The following TRIP4 variants were observed in gnomAD, a reference collection of about 807,000 sequenced individuals.
TRIP4 encodes thyroid hormone receptor interactor 4.
TRIP4 carries 54 observed loss-of-function variants against 81.8 expected under a neutral mutation model. The observed-to-expected ratio is 0.66, with a 90% CI of 0.53 to 0.83. The LOEUF (loss-of-function observed/expected upper bound fraction) is 0.83. TRIP4 is among the 40% of genes least tolerant of loss of function. The pLI, the probability that TRIP4 is intolerant of heterozygous loss-of-function variation, is 0.00. For missense variants in TRIP4, 662 were observed against 683.6 expected (o/e 0.97, Z 0.35); for synonymous variants, 270 against 242.8 (o/e 1.11, Z -1.04).
At chr15:64,448,653 CG>C (rs1391857944) in intron 12 of TRIP4, among the ~76,000 whole-genome samples, 2 of 151,950 alleles carry the variant, frequency 1.3e-5, no homozygotes, top group African/African-American at 4.8e-5. Flanking sequence ...TTGCTAGAAA[CG>C]GGGTCTTGCC....
intron 4 of TRIP4, among the ~76,000 whole-genome samples, chr15:64,398,370 C>G (rs1900355687): frequency 7.1e-6 from 1 of 140,286 alleles, no homozygotes; most frequent in Non-Finnish European, 1.5e-5. Context: ...GGAGGATCAC[C>G]TGAGCCCAGG....
chr15:64,407,264 A>T (rs1340106678), intron 6 of TRIP4, among the ~76,000 whole-genome samples: 1 of 152,162 alleles, frequency 6.6e-6, no homozygotes, highest in Admixed American at 6.5e-5. Context: ...ATGAGATAAG[A>T]TTTAGAAAAC....
At chr15:64,394,332 G>A (rs1284459392) in intron 2 of TRIP4, among the ~76,000 whole-genome samples, 7 of 152,200 alleles carry the variant, frequency 4.6e-5, no homozygotes, top group East Asian at 1.9e-4. Context: ...AAGGCCGGGC[G>A]TGGTGGCTCA....
chr15:64,431,847 A>ATATATATATATATT, intron 11 of TRIP4, among the ~76,000 whole-genome samples: 3 of 119,560 alleles, frequency 2.5e-5, no homozygotes, highest in Non-Finnish European at 4.9e-5. Context: ...ATATATATAT[A>ATATATATATATATT]TTTTTTTTAT....
chr15:64,394,255 GTT>G, intron 2 of TRIP4, 140 bp downstream of exon 2: 2 of 710,882 alleles, frequency 2.8e-6, no homozygotes, highest in Non-Finnish European at 4.3e-6. Context: ...CATATTTTTA[GTT>G]CGGTTCTACT....
At chr15:64,439,305 C>A (rs982187625) in intron 11 of TRIP4, among the ~76,000 whole-genome samples, 2 of 152,008 alleles carry the variant, frequency 1.3e-5, no homozygotes, top group African/African-American at 2.4e-5. Flanking sequence ...TTATCAGACT[C>A]ATTTCCTTCT....
intron 12 of TRIP4, among the ~76,000 whole-genome samples, chr15:64,446,261 C>T (rs996013928): frequency 2.9e-4 from 44 of 151,556 alleles, no homozygotes; most frequent in African/African-American, 5.8e-4. Flanking sequence ...GCAACAAGAG[C>T]GAAACTCCAT....
intron 7 of TRIP4, among the ~76,000 whole-genome samples, chr15:64,412,372 C>A (rs1440133106): frequency 6.6e-6 from 1 of 152,106 alleles, no homozygotes; most frequent in South Asian, 2.1e-4. Context: ...GGAAATTCCT[C>A]CTCCATTCTT....
At chr15:64,422,760 T>A (rs916916870) in intron 9 of TRIP4, among the ~76,000 whole-genome samples, 1 of 152,212 alleles carries the variant, frequency 6.6e-6, no homozygotes, top group African/African-American at 2.4e-5. Flanking sequence ...TAGTACACAG[T>A]CACTTTATTT....
At chr15:64,417,612 G>A (rs1186352836) in intron 8 of TRIP4, among the ~76,000 whole-genome samples, 7 of 152,126 alleles carry the variant, frequency 4.6e-5, no homozygotes, top group Non-Finnish European at 8.8e-5. Flanking sequence ...TCACTCTCCT[G>A]TAATTACCTG....
At chr15:64,400,201 C>T (rs1018159296) in intron 4 of TRIP4, among the ~76,000 whole-genome samples, 1 of 151,264 alleles carries the variant, frequency 6.6e-6, no homozygotes, top group Non-Finnish European at 1.5e-5. Flanking sequence ...CCATTGCTTT[C>T]GGAGGCTGAG....
intron 12 of TRIP4, among the ~76,000 whole-genome samples, chr15:64,446,656 C>G (rs1010559003): frequency 6.6e-6 from 1 of 151,422 alleles, no homozygotes; most frequent in African/African-American, 2.4e-5. Flanking sequence ...CCTGCCTTGG[C>G]CTCCCAAAGT....
intron 11 of TRIP4, among the ~76,000 whole-genome samples, chr15:64,435,387 G>A (rs112716155): frequency 5.3e-5 from 8 of 151,368 alleles, no homozygotes; most frequent in African/African-American, 9.7e-5. Context: ...TCTGCCGGGC[G>A]TGGTGGCATG....
intron 11 of TRIP4, among the ~76,000 whole-genome samples, chr15:64,443,999 A>G (rs560174900): frequency 6.5e-5 from 4 of 61,222 alleles, no homozygotes; most frequent in African/African-American, 1.2e-4. Flanking sequence ...AGAGTGGTCA[A>G]TAAAGAAGTT....
intron 12 of TRIP4, among the ~76,000 whole-genome samples, chr15:64,452,164 T>C (rs1236305496): frequency 6.6e-6 from 1 of 151,916 alleles, no homozygotes; most frequent in African/African-American, 2.4e-5. Context: ...GTTTTTTTGT[T>C]AGAGACAGTA....
chr15:64,426,893 G>A lies in TRIP4; in HGVS notation c.1575+1262G>A, dbSNP rs60177838. ...CACGCGCTTATAGTCCCAACTATTC[G>A]GGAGGCTGAGGCAGGAGAATTTCCT... On this transcript the variant is annotated intron_variant, in intron 11 of 12. Coordinates refer to ENST00000261884, the MANE Select transcript of TRIP4 (RefSeq NM_016213.5). 3.6e-3 allele frequency among the ~76,000 whole-genome samples: 528 copies of A among 145,278 alleles called. 1 individual carries two copies. The highest frequency in any genetic ancestry group is 0.012 in the African/African-American group (457 of 39,152).
intron 9 of TRIP4, among the ~76,000 whole-genome samples, chr15:64,422,400 G>A (rs1410906527): frequency 6.6e-6 from 1 of 152,128 alleles, no homozygotes; most frequent in Admixed American, 6.5e-5. Flanking sequence ...TTCTACTTTG[G>A]TAGTTTCACT....
At chr15:64,425,247 T>G (rs1892116120) in intron 10 of TRIP4, among the ~76,000 whole-genome samples, 1 of 152,112 alleles carries the variant, frequency 6.6e-6, no homozygotes, top group Non-Finnish European at 1.5e-5. Flanking sequence ...TGGCGTATAG[T>G]AGAATCGATT....
At chr15:64,407,563 A>C (rs984777997) in intron 6 of TRIP4, among the ~76,000 whole-genome samples, 1 of 152,090 alleles carries the variant, frequency 6.6e-6, no homozygotes, top group Non-Finnish European at 1.5e-5. Flanking sequence ...GGTACTCGGG[A>C]GGCTGAGGCA....
Sources: gnomAD v4.1 joint callset for allele counts (sites outside exome capture counted in the v4.1 genomes callset) on GRCh38, gnomAD v4.1.1 for gene constraint, MANE v1.5 for transcripts, NCBI Gene and HGNC (gene_info 2026-07-23, HGNC 2026-07-21) for gene names.